Variants in PCDHA5 observed in about 807,000 individuals in gnomAD.
The protein encoded by PCDHA5 is protocadherin alpha-5.
A neutral mutation model predicts 61.6 loss-of-function variants in PCDHA5; 43 were observed. The observed-to-expected ratio is 0.70, with a 90% CI of 0.55 to 0.90. The LOEUF (loss-of-function observed/expected upper bound fraction) is 0.90. Ranked by LOEUF, PCDHA5 falls within the 40% of genes least tolerant of loss-of-function variation. The pLI, the probability that PCDHA5 is intolerant of heterozygous loss-of-function variation, is 0.00. For synonymous variants in PCDHA5, 627 were observed against 543.9 expected (o/e 1.15, Z -2.13); for missense variants, 1,298 against 1,222.7 (o/e 1.06, Z -0.92).
intron 1 of PCDHA5, chr5:140,850,077 C>T: frequency 6.3e-7 from 1 of 1,596,450 alleles, no homozygotes. Context: ...CCACGAGGAG[C>T]TGGAGCTGCT....
intron 1 of PCDHA5, chr5:140,857,099 G>C (rs2044359336): frequency 1.9e-6 from 3 of 1,597,240 alleles, no homozygotes; most frequent in Non-Finnish European, 2.6e-6. Context: ...TGAGGTGATT[G>C]TCACTTCTCT....
chr5:140,854,158 T>TTAAA, intron 1 of PCDHA5: 1 of 123,422 alleles, frequency 8.1e-6, no homozygotes, highest in Non-Finnish European at 1.0e-5. Flanking sequence ...AGATTCTGTC[T>TTAAA]CAAAAAAAAA....
Position 140,969,539 on chromosome 5 carries a change from A to G in PCDHA5, c.2353-9410A>G, listed in dbSNP as rs551546462. ...GAATTGTTTTATTTTTCATTTTCAGAGGCATGAAGCCTTGTCCATAAAATT... is the reference window on the plus strand; with the variant it reads ...GAATTGTTTTATTTTTCATTTTCAGGGGCATGAAGCCTTGTCCATAAAATT... On this transcript the variant is annotated intron_variant, in intron 1 of 3. Transcript: ENST00000529859. The G allele has an allele frequency of 2.3e-6, 3 of 1,303,614 alleles. No individual in the cohort carries two copies. The Admixed American group carries it at 8.5e-5, about 37-fold the overall frequency. 80.8% of individuals were successfully genotyped at this position (1,303,614 alleles called of 1,614,324 possible).
intron 1 of PCDHA5, chr5:140,829,807 T>G (rs146736705): frequency 5.0e-6 from 8 of 1,613,716 alleles, no homozygotes; most frequent in Non-Finnish European, 6.8e-6. Flanking sequence ...GGGTGGGTGG[T>G]ACTGGTGGTG....
intron 1 of PCDHA5, among the ~76,000 whole-genome samples, chr5:140,903,708 T>C (rs1460220411): frequency 1.3e-5 from 2 of 152,212 alleles, no homozygotes; most frequent in Non-Finnish European, 2.9e-5. Context: ...AGTAATAAAA[T>C]ATACAATTCT....
At chr5:140,896,583 G>A (rs557774521) in intron 1 of PCDHA5, among the ~76,000 whole-genome samples, 1 of 151,770 alleles carries the variant, frequency 6.6e-6, no homozygotes, top group South Asian at 2.1e-4. Context: ...TGACGTGTTG[G>A]CCAGGCTGGT....
At chr5:140,849,899 C>A in intron 1 of PCDHA5, 1 of 1,598,504 alleles carries the variant, frequency 6.3e-7, no homozygotes, top group South Asian at 1.1e-5. Flanking sequence ...AGGAGAACAA[C>A]CCGCCGGGCT....
chr5:140,869,323 C>G (rs1426806563), intron 1 of PCDHA5: 13 of 1,613,746 alleles, frequency 8.1e-6, no homozygotes, highest in Non-Finnish European at 1.0e-5. Flanking sequence ...ACATGGGGAC[C>G]TTCTGGAGGT....
At position 140,842,829 on chromosome 5, in the gene PCDHA5, C is replaced by T. The variant is rs2150345601; in HGVS notation, c.2352+18702C>T. On this transcript the variant is annotated intron_variant, in intron 1 of 3. Transcript: ENST00000529859. Reference sequence around the variant, plus strand: ...GTGGAGCGGCGGGTGGGCGAGCGCTCGCTGTCGAGCTACATTTCGGTGCAC... The same window carrying T: ...GTGGAGCGGCGGGTGGGCGAGCGCTTGCTGTCGAGCTACATTTCGGTGCAC... 6.9e-5 allele frequency: 110 copies of T among 1,593,636 alleles called. 11 individuals carry two copies. The highest frequency in any genetic ancestry group is 9.4e-5 in the Non-Finnish European group (109 of 1,165,332).
intron 1 of PCDHA5, chr5:140,835,737 G>A: frequency 6.2e-7 from 1 of 1,613,716 alleles, no homozygotes; most frequent in Non-Finnish European, 8.5e-7. Flanking sequence ...GAACGACAAC[G>A]CCCCGGCGTT....
chr5:140,828,562 G>C (rs1769827145), intron 1 of PCDHA5: 1 of 1,614,114 alleles, frequency 6.2e-7, no homozygotes, highest in Admixed American at 1.7e-5. Flanking sequence ...TGGAGGGCGC[G>C]TCCGATGCAG....
At chr5:140,983,642 G>A (rs954814692) in intron 3 of PCDHA5, among the ~76,000 whole-genome samples, 3 of 152,174 alleles carry the variant, frequency 2.0e-5, no homozygotes, top group African/African-American at 7.2e-5. Flanking sequence ...CCAAGTTCAC[G>A]TAGCTTGTAA....
At chr5:140,877,575 C>G (rs1244471489) in intron 1 of PCDHA5, 1 of 1,613,708 alleles carries the variant, frequency 6.2e-7, no homozygotes, top group East Asian at 2.2e-5. Context: ...TGTACCTCAT[C>G]ATCGCCATCT....
chr5:140,861,378 C>A, intron 1 of PCDHA5: 1 of 421,170 alleles, frequency 2.4e-6, no homozygotes. Flanking sequence ...CCCTATTGCG[C>A]AGGACCTGGG....
chr5:140,993,238 T>A (rs896841031), intron 3 of PCDHA5, among the ~76,000 whole-genome samples: 1 of 152,182 alleles, frequency 6.6e-6, no homozygotes, highest in African/African-American at 2.4e-5. Context: ...TCTCTGAATC[T>A]GGGGATTTAG....
At position 140,966,247 on chromosome 5, in the gene PCDHA5, A is replaced by G. The variant is rs145363912; in HGVS notation, c.2353-12702A>G. 739 of 318,152 alleles carry G rather than the reference A, an allele frequency of 2.3e-3. 16 individuals are homozygous for G. In the Admixed American group the frequency reaches 0.033, roughly 14 times the overall value. 19.7% of individuals were successfully genotyped at this position (318,152 alleles called of 1,614,324 possible). On this transcript the variant is annotated intron_variant, in intron 1 of 3. Coordinates refer to ENST00000529859, the MANE Select transcript of PCDHA5 (RefSeq NM_018908.3). ...TCCTTAAAGACCCGTTAAGCAGGGGAGAGACGGTGGAGACTGGATGAACTG... is the reference window on the plus strand; with the variant it reads ...TCCTTAAAGACCCGTTAAGCAGGGGGGAGACGGTGGAGACTGGATGAACTG...
chr5:140,829,133 C>G (rs2150162855), intron 1 of PCDHA5: 1 of 1,612,836 alleles, frequency 6.2e-7, no homozygotes, highest in South Asian at 1.1e-5. Flanking sequence ...TGATAACGTC[C>G]CTGAGATAGC....
intron 1 of PCDHA5, among the ~76,000 whole-genome samples, chr5:140,974,558 C>A (rs984567503): frequency 4.5e-4 from 68 of 152,132 alleles, no homozygotes; most frequent in African/African-American, 1.6e-3. Context: ...GTTGCCCAGG[C>A]TGGAGTGCAA....
rs2150114188 is a variant in PCDHA5, at chr5:140,822,162, G to T, written c.387G>T (p.Pro129=). The T allele has an allele frequency of 7.4e-6, 12 of 1,614,112 alleles. No individual in the cohort carries two copies. In the East Asian group the frequency reaches 2.4e-4, roughly 33 times the overall value. The change falls in exon 1 of 4, where the codon CCG becomes CCT. Residue 129 remains proline, a synonymous_variant. Coordinates refer to ENST00000529859, the MANE Select transcript of PCDHA5 (RefSeq NM_018908.3). ...EVAVKDINDN[P]PRFSRQEQRL... ...CAGTGAAGGACATCAATGACAATCC[G>T]CCCAGGTTCTCCAGACAAGAACAAA... is the stretch of plus-strand genomic sequence containing the variant.
Sources: allele counts gnomAD v4.1 joint callset (sites outside exome capture counted in the v4.1 genomes callset), GRCh38; gene constraint gnomAD v4.1.1; transcripts MANE v1.5; gene names NCBI Gene and HGNC (gene_info 2026-07-23, HGNC 2026-07-21).